LRP8: variants seen among roughly 807,000 people sequenced by gnomAD.
LRP8 encodes LDL receptor related protein 8, also known as low-density lipoprotein receptor-related protein 8.
In LRP8, 46 loss-of-function variants were observed where a neutral mutation model predicts 111.6. The ratio of observed to expected loss-of-function variants is 0.41; its 90% CI spans 0.33 to 0.53. LRP8 has a LOEUF of 0.53. LRP8 is among the 20% of genes least tolerant of loss of function. LRP8 has a pLI of 0.20. For synonymous variants in LRP8, 464 were observed against 511.2 expected (o/e 0.91, Z 1.24); for missense variants, 959 against 1,297.4 (o/e 0.74, Z 4.01).
At chr1:53,276,325 G>A (rs184430871) in intron 5 of LRP8, among the ~76,000 whole-genome samples, 1 of 151,768 alleles carries the variant, frequency 6.6e-6, no homozygotes, top group East Asian at 2.0e-4. Context: ...AAGGTCAGAG[G>A]AGTCTAGGCC....
chr1:53,297,669 A>G (rs950663938), intron 2 of LRP8, among the ~76,000 whole-genome samples: 4 of 152,242 alleles, frequency 2.6e-5, no homozygotes, highest in Non-Finnish European at 5.9e-5. Flanking sequence ...GCTGCAGCGG[A>G]AGGAGCACTT....
chr1:53,306,359 C>T (rs1557848402), intron 2 of LRP8, among the ~76,000 whole-genome samples: 1 of 152,242 alleles, frequency 6.6e-6, no homozygotes, highest in Non-Finnish European at 1.5e-5. Context: ...TGTTCTAGTG[C>T]TGTCTAGCTG....
In LRP8 at chr1:53,245,397, GA is replaced by G. The variant is rs1180693443; in HGVS notation, c.*1620del. On this transcript the variant is annotated 3_prime_UTR_variant, in exon 19 of 19. Transcript: ENST00000306052. The stretch of plus-strand genomic sequence containing the variant: ...ACTCAAACTCTTTCTCTTTGGATGG[GA>G]AAGCCACTGGGGACTGAATCCTTCT... 1.3e-5 allele frequency: 2 copies of G among 152,188 alleles called. No homozygotes were observed. Among genetic ancestry groups the G allele is most frequent in the African/African-American group, 2.4e-5 (1 of 41,442 alleles). 9.4% of individuals were successfully genotyped at this position (152,188 alleles called of 1,614,324 possible).
At chr1:53,251,004 G>A (rs1645878116) in intron 16 of LRP8, 142 bp from the exon 17 acceptor site, 1 of 667,712 alleles carries the variant, frequency 1.5e-6, no homozygotes, top group Admixed American at 2.6e-5. Flanking sequence ...ACTGCTGTTT[G>A]AAAGCCCATC....
chr1:53,308,346 C>T (rs1053464091), intron 2 of LRP8, among the ~76,000 whole-genome samples: 7 of 152,222 alleles, frequency 4.6e-5, no homozygotes, highest in Non-Finnish European at 5.9e-5. Flanking sequence ...ATTTCATTCT[C>T]ACCCAGGTCT....
At chr1:53,313,681 C>A (rs1653399908) in intron 2 of LRP8, among the ~76,000 whole-genome samples, 1 of 152,148 alleles carries the variant, frequency 6.6e-6, no homozygotes, top group African/African-American at 2.4e-5. Context: ...GGGCCTGAGG[C>A]TTCTCTTGGA....
At chr1:53,300,644 C>T (rs1463844168) in intron 2 of LRP8, among the ~76,000 whole-genome samples, 1 of 152,254 alleles carries the variant, frequency 6.6e-6, no homozygotes, top group Non-Finnish European at 1.5e-5. Flanking sequence ...GTCATCCCAG[C>T]AGCTCAGTAA....
intron 2 of LRP8, among the ~76,000 whole-genome samples, chr1:53,314,282 C>T (rs1653503696): frequency 7.3e-6 from 1 of 136,532 alleles, no homozygotes; most frequent in Admixed American, 7.0e-5. Flanking sequence ...TCTGTCCTCA[C>T]CCTCCACTTC....
At chr1:53,315,899 G>C (rs2100535283) in intron 2 of LRP8, among the ~76,000 whole-genome samples, 1 of 152,338 alleles carries the variant, frequency 6.6e-6, no homozygotes, top group Middle Eastern at 3.4e-3. Flanking sequence ...TCACAGAGGG[G>C]AGACATCAGC....
chr1:53,326,239 G>T (rs541698411), intron 2 of LRP8, among the ~76,000 whole-genome samples: 1 of 152,360 alleles, frequency 6.6e-6, no homozygotes, highest in Non-Finnish European at 1.5e-5. Flanking sequence ...AGCCCCGCCT[G>T]CACCTACCAC....
Position 53,277,093 on chromosome 1 carries a change from G to T in LRP8, c.497-15C>A. The T allele has an allele frequency of 6.8e-7, 1 of 1,475,312 alleles. No homozygotes were observed. The highest frequency in any genetic ancestry group is 1.3e-5 in the South Asian group (1 of 77,954). The allele number at this position is 1,475,312 out of a possible 1,614,324, so 91.4% of individuals were successfully genotyped here. A position where few individuals can be genotyped will look rare whatever the true frequency, so the allele number is the denominator to read the frequency against. On this transcript the variant is annotated splice_polypyrimidine_tract_variant and intron_variant, in intron 4 of 18. Transcript: ENST00000306052. ...CGGGGCGCACACTGCGCGGGACAGA[G>T]AGCCGGTCGGCCCGCCGACCCCCTC...
intron 6 of LRP8, chr1:53,272,533 C>G: frequency 7.8e-7 from 1 of 1,274,674 alleles, no homozygotes. Flanking sequence ...AGCTGCCCAC[C>G]CCAGGCCATG....
intron 2 of LRP8, among the ~76,000 whole-genome samples, chr1:53,308,330 G>A (rs1387710666): frequency 1.3e-5 from 2 of 152,202 alleles, no homozygotes; most frequent in Admixed American, 6.5e-5. Flanking sequence ...CTCCGAGCAG[G>A]CCAGAATTTC....
At position 53,327,699 on chromosome 1, in the gene LRP8, T is replaced by A. The variant is rs1029923441; in HGVS notation, c.124+90A>T. 6 of 1,344,016 alleles carry A rather than the reference T, an allele frequency of 4.5e-6. No individual in the cohort carries two copies. The South Asian group carries it at 7.7e-5, about 17-fold the overall frequency. 83.3% of individuals were successfully genotyped at this position (1,344,016 alleles called of 1,614,324 possible). On this transcript the variant is annotated intron_variant, in intron 1 of 18. Transcript: ENST00000306052. ...CCCGGGAGCCCCCGATAGCCCCGGG[T>A]TCTGGACCCCTCCCCGCTCCGGCCT...
At chr1:53,319,109 C>T (rs1315897766) in intron 2 of LRP8, among the ~76,000 whole-genome samples, 4 of 152,176 alleles carry the variant, frequency 2.6e-5, no homozygotes, top group African/African-American at 9.7e-5. Flanking sequence ...CTCTGAGCCT[C>T]GTTTTCCTCA....
Position 53,326,890 on chromosome 1 carries a change from C to T in LRP8, c.227G>A (p.Ser76Asn). 6.2e-7 allele frequency: 1 copy of T among 1,613,296 alleles called. No homozygotes were observed. Among genetic ancestry groups the T allele is most frequent in the Non-Finnish European group, 8.5e-7 (1 of 1,179,776 alleles). The change falls in exon 2 of 19, where the codon AGC becomes AAC. Residue 76 changes from serine (S) to asparagine (N), a missense_variant. Around this residue, in one of 3 missense-constraint regions of LRP8, gnomAD observed 97 missense variants for 107.5 expected, o/e 0.90. Transcript: ENST00000306052. ...CDEDDDCLDH[S>N]DEDDCPKKTC... is the part of the protein sequence containing the mutation. ...CCACTCACGGCAGTCGTCCTCGTCG[C>T]TGTGGTCTAAGCAGTCATCGTCCTC...
intron 2 of LRP8, among the ~76,000 whole-genome samples, chr1:53,291,542 C>CA (rs1648773623): frequency 6.6e-6 from 1 of 152,182 alleles, no homozygotes; most frequent in Non-Finnish European, 1.5e-5. Context: ...CCCCTTCCCC[C>CA]ACCTCTCACC....
At position 53,242,724 on chromosome 1, in the gene LRP8, TAAC is replaced by T. The variant is rs1426135915; in HGVS notation, c.*4291_*4293del. The T allele has an allele frequency of 6.6e-6, 1 of 151,922 alleles. No individual in the cohort carries two copies. Among genetic ancestry groups the T allele is most frequent in the African/African-American group, 2.4e-5 (1 of 41,342 alleles). The allele number at this position is 151,922 out of a possible 1,614,324, so 9.4% of individuals were successfully genotyped here. A position where few individuals can be genotyped will look rare whatever the true frequency, so the allele number is the denominator to read the frequency against. On this transcript the variant is annotated 3_prime_UTR_variant, in exon 19 of 19. Coordinates refer to ENST00000306052, the MANE Select transcript of LRP8 (RefSeq NM_004631.5). ...GCAAATCAGCACTTTACCCCCAAATTAACAACAGCTTGTATGGAAAAAAAAATG... is the reference window on the plus strand; with the variant it reads ...GCAAATCAGCACTTTACCCCCAAATTAACAGCTTGTATGGAAAAAAAAATG...
At chr1:53,309,576 G>C (rs1224575192) in intron 2 of LRP8, among the ~76,000 whole-genome samples, 1 of 152,210 alleles carries the variant, frequency 6.6e-6, no homozygotes, top group Admixed American at 6.5e-5. Context: ...GAGCCACGGT[G>C]AGGGGAGAGG....
Sources: allele counts gnomAD v4.1 joint callset (sites outside exome capture counted in the v4.1 genomes callset), GRCh38; gene constraint gnomAD v4.1.1; regional missense constraint gnomAD v4.1.1; transcripts MANE v1.5; gene names NCBI Gene and HGNC (gene_info 2026-07-23, HGNC 2026-07-21).